Variants in PLAAT3 observed in about 807,000 individuals in gnomAD.
The protein encoded by PLAAT3 is phospholipase A and acyltransferase 3.
In PLAAT3, 21 loss-of-function variants were observed where a neutral mutation model predicts 16.7. The observed-to-expected ratio is 1.26, with a 90% CI of 0.89 to 1.81. The LOEUF is 1.81. PLAAT3 is among the 40% of genes most tolerant of loss of function. PLAAT3 has a pLI of 0.00. For synonymous variants in PLAAT3, 76 were observed against 81.7 expected (o/e 0.93, Z 0.38); for missense variants, 219 against 213.7 (o/e 1.02, Z -0.16).
At chr11:63,598,876 G>A (rs1021576840) in intron 2 of PLAAT3, among the ~76,000 whole-genome samples, 4 of 152,238 alleles carry the variant, frequency 2.6e-5, no homozygotes, top group Middle Eastern at 3.2e-3. Flanking sequence ...GTGTGTGAGG[G>A]TGGATGCATG....
At chr11:63,583,023 CA>C (rs1469552689) in intron 4 of PLAAT3, among the ~76,000 whole-genome samples, 2 of 152,158 alleles carry the variant, frequency 1.3e-5, no homozygotes, top group East Asian at 3.9e-4. Context: ...CCCAGCTACT[CA>C]GAAGGCTGAG....
At chr11:63,599,456 G>C (rs1275709543) in intron 2 of PLAAT3, among the ~76,000 whole-genome samples, 3 of 152,190 alleles carry the variant, frequency 2.0e-5, no homozygotes, top group Non-Finnish European at 4.4e-5. Context: ...GCAAATGATG[G>C]GCAGTGGTTA....
intron 4 of PLAAT3, among the ~76,000 whole-genome samples, chr11:63,584,645 C>T (rs1478757583): frequency 6.6e-6 from 1 of 151,668 alleles, no homozygotes; most frequent in Non-Finnish European, 1.5e-5. Context: ...TCCCAAGTAG[C>T]TGCGACTACA....
intron 4 of PLAAT3, among the ~76,000 whole-genome samples, chr11:63,579,396 A>T (rs374028806): frequency 5.3e-5 from 8 of 152,060 alleles, no homozygotes; most frequent in Non-Finnish European, 7.4e-5. Flanking sequence ...GGATTATAAA[A>T]CATGCTGCTA....
Position 63,601,055 on chromosome 11 carries a change from ATTTT to A in PLAAT3, c.16-2896_16-2893del, listed in dbSNP as rs149796053. ...AAATAAAAATTAAACAAAAAAAAAA[ATTTT>A]TTTTTTTTTTTTTGAGGCAGAGTCT... On this transcript the variant is annotated intron_variant, in intron 2 of 4. Transcript: ENST00000415826. Among the ~76,000 whole-genome samples, 9 of 145,148 alleles carry A rather than the reference ATTTT, an allele frequency of 6.2e-5. 1 individual carries two copies. In the East Asian group the frequency reaches 1.6e-3, roughly 26 times the overall value.
At chr11:63,607,330 C>T (rs1203482743) in intron 2 of PLAAT3, among the ~76,000 whole-genome samples, 6 of 152,080 alleles carry the variant, frequency 3.9e-5, no homozygotes, top group Non-Finnish European at 8.8e-5. Context: ...ATGAGATCAG[C>T]TCCTCCTGAG....
chr11:63,601,060 T>A (rs1436895108), intron 2 of PLAAT3, among the ~76,000 whole-genome samples: 1 of 148,926 alleles, frequency 6.7e-6, no homozygotes, highest in African/African-American at 2.4e-5. Flanking sequence ...AAAAAATTTT[T>A]TTTTTTTTTT....
intron 3 of PLAAT3, among the ~76,000 whole-genome samples, chr11:63,592,309 G>C (rs1235904251): frequency 2.6e-5 from 4 of 152,070 alleles, no homozygotes; most frequent in Admixed American, 2.0e-4. Flanking sequence ...TGGGACTACA[G>C]GTGTGCACCA....
chr11:63,590,014 T>C, intron 4 of PLAAT3, 86 bp downstream of exon 4: 1 of 1,324,690 alleles, frequency 7.5e-7, no homozygotes, highest in South Asian at 1.3e-5. Context: ...TTTTGTCTTG[T>C]TCATGCCTCC....
intron 3 of PLAAT3, among the ~76,000 whole-genome samples, chr11:63,592,775 G>A (rs1938185265): frequency 6.6e-6 from 1 of 152,172 alleles, no homozygotes; most frequent in Non-Finnish European, 1.5e-5. Context: ...GAGGATTAAA[G>A]GGGTTGGCCA....
At chr11:63,599,525 T>C (rs1475451738) in intron 2 of PLAAT3, among the ~76,000 whole-genome samples, 1 of 152,220 alleles carries the variant, frequency 6.6e-6, no homozygotes, top group Non-Finnish European at 1.5e-5. Flanking sequence ...GTTTGCTTAT[T>C]ATTTCACAGA....
rs1261549415 is a variant in PLAAT3, at chr11:63,598,181, G to A, written c.16-18C>T. 1.9e-6 allele frequency: 3 copies of A among 1,571,136 alleles called. No individual in the cohort carries two copies. The highest frequency in any genetic ancestry group is 2.6e-6 in the Non-Finnish European group (3 of 1,140,950). On this transcript the variant is annotated intron_variant, in intron 2 of 4. Coordinates refer to ENST00000415826, the MANE Select transcript of PLAAT3 (RefSeq NM_001128203.2). ...GGCTCTGGCTGCAAAACCAAGAACAGGGCTGTTAGAGGGAGCATGAGATCG... is the reference window on the plus strand; with the variant it reads ...GGCTCTGGCTGCAAAACCAAGAACAAGGCTGTTAGAGGGAGCATGAGATCG...
At chr11:63,595,292 GA>G (rs59751911) in intron 3 of PLAAT3, among the ~76,000 whole-genome samples, 26,295 of 87,728 alleles carry the variant, frequency 0.3, 3,226 homozygotes, top group East Asian at 0.59. Context: ...CTCCGTCTCG[GA>G]AAAAAAAAAA....
chr11:63,595,617 T>G (rs974634113), intron 3 of PLAAT3, among the ~76,000 whole-genome samples: 1 of 152,096 alleles, frequency 6.6e-6, no homozygotes, highest in Admixed American at 6.6e-5. Flanking sequence ...AGGCATATTG[T>G]AGAAGCATGA....
rs779944834 is a variant in PLAAT3 at position 63,613,992 on chromosome 11, G to T, written c.15+8C>A. 4.8e-6 allele frequency: 6 copies of T among 1,250,956 alleles called. No individual in the cohort carries two copies. Among genetic ancestry groups the T allele is most frequent in the Admixed American group, 1.7e-5 (1 of 59,410 alleles). 77.5% of individuals were successfully genotyped at this position (1,250,956 alleles called of 1,614,324 possible). ...GCCCCGCCCAGCCCCGCCTCGCCCC[G>T]CACTTACAATGGGCGCACGCATCTT... On this transcript the variant is annotated splice_region_variant and intron_variant, in intron 2 of 4. Transcript: ENST00000415826.
chr11:63,614,258 G>A, intron 1 of PLAAT3, 127 bp downstream of exon 1: 1 of 580,458 alleles, frequency 1.7e-6, no homozygotes, highest in Middle Eastern at 2.8e-4. Flanking sequence ...GGTGCCAGCG[G>A]GCGGCTCGGC....
At chr11:63,606,103 C>T (rs185696708) in intron 2 of PLAAT3, among the ~76,000 whole-genome samples, 3 of 152,212 alleles carry the variant, frequency 2.0e-5, no homozygotes, top group Admixed American at 1.3e-4. Context: ...ATCAAGAGCG[C>T]GGTGTAAGCG....
intron 4 of PLAAT3, among the ~76,000 whole-genome samples, chr11:63,579,994 T>A (rs1175654356): frequency 6.6e-6 from 1 of 151,198 alleles, no homozygotes; most frequent in Non-Finnish European, 1.5e-5. Context: ...GAGGGTAAAA[T>A]GACAAATAAT....
intron 4 of PLAAT3, among the ~76,000 whole-genome samples, chr11:63,578,700 A>T (rs1937696335): frequency 6.6e-6 from 1 of 151,778 alleles, no homozygotes. Context: ...TCCCTTCCTT[A>T]CACCTTATAC....
Sources: allele counts gnomAD v4.1 joint callset (sites outside exome capture counted in the v4.1 genomes callset), GRCh38; gene constraint gnomAD v4.1.1; transcripts MANE v1.5; gene names NCBI Gene and HGNC (gene_info 2026-07-23, HGNC 2026-07-21).